The following ZNF420 variants were observed in gnomAD, a reference collection of about 807,000 sequenced individuals.
ZNF420 encodes ATM and p53-associated KZNF protein.
A neutral mutation model predicts 44.7 loss-of-function variants in ZNF420; 31 were observed. That is an observed-to-expected ratio of 0.69 (90% CI 0.52 to 0.94). ZNF420 has a LOEUF of 0.94. Ranked by LOEUF, ZNF420 falls within the 40% of genes least tolerant of loss-of-function variation. ZNF420 has a pLI of 0.00. For synonymous variants in ZNF420, 245 were observed against 267.4 expected, an observed-to-expected ratio of 0.92 and a Z score of 0.82; for missense variants, 681 against 827.9, an observed-to-expected ratio of 0.82 and a Z score of 2.18.
chr19:37,074,219 A>T (rs190106526), upstream of ZNF420, among the ~76,000 whole-genome samples: 695 of 152,328 alleles, frequency 4.6e-3, 9 homozygotes, highest in African/African-American at 0.016. Context: ...TACCATGAAG[A>T]AATCAGGTGC....
intron 4 of ZNF420, among the ~76,000 whole-genome samples, chr19:37,097,835 C>G (rs982213265): frequency 3.9e-5 from 6 of 152,090 alleles, no homozygotes; most frequent in African/African-American, 1.4e-4. Context: ...TACCTTTGTT[C>G]ACGAGATTGG....
At chr19:37,097,952 G>A (rs1428590209) in intron 4 of ZNF420, among the ~76,000 whole-genome samples, 1 of 152,074 alleles carries the variant, frequency 6.6e-6, no homozygotes, top group Non-Finnish European at 1.5e-5. Flanking sequence ...CAACAGTTAT[G>A]TACGATTGGA....
At chr19:37,119,329 A>G (rs376360850) in intron 4 of ZNF420, among the ~76,000 whole-genome samples, 1 of 152,018 alleles carries the variant, frequency 6.6e-6, no homozygotes, top group African/African-American at 2.4e-5. Flanking sequence ...ACTCAAAACC[A>G]CTCCACTACA....
At chr19:37,026,942 G>A (rs1967171549) in intron 1 of ZNF420, among the ~76,000 whole-genome samples, 1 of 152,114 alleles carries the variant, frequency 6.6e-6, no homozygotes, top group African/African-American at 2.4e-5. Context: ...AGTCAACAAA[G>A]AAAGCCAAAA....
chr19:37,093,707 A>G (rs4473303), intron 4 of ZNF420, among the ~76,000 whole-genome samples: 27,465 of 152,178 alleles, frequency 0.18, 2,738 homozygotes, highest in African/African-American at 0.27. Context: ...AAAGAAGCCA[A>G]ATACAAACAC....
intron 1 of ZNF420, among the ~76,000 whole-genome samples, chr19:37,033,539 C>T (rs2146400195): frequency 6.6e-6 from 1 of 152,266 alleles, no homozygotes; most frequent in South Asian, 2.1e-4. Flanking sequence ...TCAGAATGTC[C>T]CTTTTTAAGG....
intron 4 of ZNF420, among the ~76,000 whole-genome samples, chr19:37,099,188 A>T (rs1169937146): frequency 6.6e-6 from 1 of 152,024 alleles, no homozygotes; most frequent in African/African-American, 2.4e-5. Context: ...TTTCCTTTGG[A>T]TGTATACCCA....
intron 1 of ZNF420, among the ~76,000 whole-genome samples, chr19:37,079,006 CGT>C (rs941077758): frequency 3.9e-5 from 6 of 152,152 alleles, no homozygotes; most frequent in African/African-American, 7.2e-5. Context: ...TTTATTACCG[CGT>C]GTTTCCCTGA....
chr19:37,020,025 G>T (rs1024883391), intron 1 of ZNF420, among the ~76,000 whole-genome samples: 1 of 151,912 alleles, frequency 6.6e-6, no homozygotes, highest in Non-Finnish European at 1.5e-5. Context: ...AGAACATCCT[G>T]GCTAACCCGG....
chr19:37,048,696 T>A (rs1223545190), intron 1 of ZNF420, among the ~76,000 whole-genome samples: 1 of 152,164 alleles, frequency 6.6e-6, no homozygotes, highest in Non-Finnish European at 1.5e-5. Context: ...CACTCTTTTT[T>A]TAATTTTTTA....
At chr19:37,090,511 A>G (rs1187100864) in intron 3 of ZNF420, among the ~76,000 whole-genome samples, 1 of 152,044 alleles carries the variant, frequency 6.6e-6, no homozygotes, top group Non-Finnish European at 1.5e-5. Flanking sequence ...CCTGTCTCCA[A>G]AACAACAACA....
At chr19:37,069,378 A>G (rs1345730402) in intron 1 of ZNF420, among the ~76,000 whole-genome samples, 2 of 152,198 alleles carry the variant, frequency 1.3e-5, no homozygotes, top group East Asian at 1.9e-4. Context: ...GAAATTTAAA[A>G]GTATTTAAAA....
chr19:37,128,783 C>A lies in ZNF420; in HGVS notation c.1792C>A (p.His598Asn), dbSNP rs1971505456. The A allele has an allele frequency of 1.2e-6, 2 of 1,613,742 alleles. No individual in the cohort carries two copies. The highest frequency in any genetic ancestry group is 1.7e-6 in the Non-Finnish European group (2 of 1,179,916). The change falls in exon 5 of 5, where the codon CAT (histidine) becomes AAT (asparagine). Residue 598 changes from histidine (H) to asparagine (N), a missense_variant. His to Asn is a moderately conservative substitution (Grantham distance 68). Transcript: ENST00000337995. Reference protein sequence around the residue: ...ECKECGKAFSHGSQLTLHQRI... With the variant: ...ECKECGKAFSNGSQLTLHQRI... ...CAAGGAGTGTGGCAAGGCCTTTAGT[C>A]ATGGCTCTCAGCTTACTCTACATCA...
chr19:37,116,392 A>G (rs1040594762), intron 4 of ZNF420, among the ~76,000 whole-genome samples: 2 of 150,324 alleles, frequency 1.3e-5, no homozygotes, highest in African/African-American at 4.9e-5. Context: ...AAAAAAAAAG[A>G]ATGCACCATT....
intron 1 of ZNF420, among the ~76,000 whole-genome samples, chr19:37,030,283 T>G (rs1199331428): frequency 6.6e-6 from 1 of 152,100 alleles, no homozygotes; most frequent in African/African-American, 2.4e-5. Flanking sequence ...TACCTCAGCC[T>G]CCCGAGTAGC....
In ZNF420 at chr19:37,128,800, T is replaced by C. The variant is rs1308311666; in HGVS notation, c.1809T>C (p.Thr603=). 1.2e-6 allele frequency: 2 copies of C among 1,613,570 alleles called. No individual in the cohort carries two copies. The highest frequency in any genetic ancestry group is 4.5e-5 in the East Asian group (2 of 44,856). Residue 603 remains threonine, a synonymous_variant, in exon 5 of 5, where the codon ACT becomes ACC. Coordinates refer to ENST00000337995, the MANE Select transcript of ZNF420 (RefSeq NM_144689.5). Reference sequence around the variant, plus strand: ...CCTTTAGTCATGGCTCTCAGCTTACTCTACATCAGAGAATCCATACTGGTG... The same window carrying C: ...CCTTTAGTCATGGCTCTCAGCTTACCCTACATCAGAGAATCCATACTGGTG... ...GKAFSHGSQL[T]LHQRIHTGEK...
At chr19:37,107,992 T>C (rs1164413980) in intron 4 of ZNF420, among the ~76,000 whole-genome samples, 4 of 152,216 alleles carry the variant, frequency 2.6e-5, no homozygotes, top group Non-Finnish European at 1.5e-5. Flanking sequence ...ATCTGACGTA[T>C]TCCAGTCACA....
At chr19:37,022,098 GT>G (rs2074654570) in intron 1 of ZNF420, among the ~76,000 whole-genome samples, 2 of 151,544 alleles carry the variant, frequency 1.3e-5, no homozygotes. Context: ...ACAGGAAATT[GT>G]TTTTGGGGAG....
intron 1 of ZNF420, among the ~76,000 whole-genome samples, chr19:37,014,454 G>A (rs536321607): frequency 6.6e-6 from 1 of 152,100 alleles, no homozygotes; most frequent in Non-Finnish European, 1.5e-5. Context: ...GAGCAGTCCC[G>A]AGTGCCCACC....
Sources: gnomAD v4.1 joint callset for allele counts (sites outside exome capture counted in the v4.1 genomes callset) on GRCh38, gnomAD v4.1.1 for gene constraint, MANE v1.5 for transcripts, NCBI Gene and HGNC (gene_info 2026-07-23, HGNC 2026-07-21) for gene names.